The following ATG7 variants were observed in gnomAD, a reference collection of about 807,000 sequenced individuals.
ATG7 encodes ubiquitin-like modifier-activating enzyme ATG7.
Under a neutral mutation model 82.4 loss-of-function variants are expected in ATG7, and 70 were observed. That is an observed-to-expected ratio of 0.85 (90% CI 0.70 to 1.04). ATG7 has a LOEUF of 1.04. Among genes scored for constraint, ATG7 ranks in the 50% least tolerant of loss-of-function variants. ATG7 has a pLI of 0.00. For synonymous variants in ATG7, 287 were observed against 313.0 expected, an observed-to-expected ratio of 0.92 and a Z score of 0.88; for missense variants, 792 against 864.3, an observed-to-expected ratio of 0.92 and a Z score of 1.05.
chr3:11,309,713 A>C (rs1948354616), intron 7 of ATG7, among the ~76,000 whole-genome samples: 1 of 152,178 alleles, frequency 6.6e-6, no homozygotes, highest in South Asian at 2.1e-4. Flanking sequence ...CCAGTTATAC[A>C]CAGGCACGTG....
At chr3:11,402,820 A>G (rs2079964764) in intron 19 of ATG7, among the ~76,000 whole-genome samples, 1 of 152,190 alleles carries the variant, frequency 6.6e-6, no homozygotes, top group Non-Finnish European at 1.5e-5. Context: ...TCTCATAGCC[A>G]CCACACCCAG....
intron 20 of ATG7, among the ~76,000 whole-genome samples, chr3:11,494,626 C>T (rs1559746461): frequency 1.3e-5 from 2 of 152,136 alleles, no homozygotes; most frequent in African/African-American, 4.8e-5. Context: ...CCTTTTTCAT[C>T]ACTTTAAGCT....
chr3:11,424,823 T>C (rs1038409352), intron 19 of ATG7, among the ~76,000 whole-genome samples: 9 of 152,192 alleles, frequency 5.9e-5, no homozygotes, highest in Non-Finnish European at 1.2e-4. Context: ...CATTTCTTCT[T>C]CTTCCTGTCT....
intron 20 of ATG7, among the ~76,000 whole-genome samples, chr3:11,545,342 A>T (rs1240673903): frequency 1.3e-5 from 2 of 152,208 alleles, no homozygotes; most frequent in African/African-American, 4.8e-5. Context: ...CCAGAGGCTT[A>T]TGGACACCCC....
At chr3:11,434,388 C>T (rs1455629631) in intron 20 of ATG7, among the ~76,000 whole-genome samples, 1 of 152,140 alleles carries the variant, frequency 6.6e-6, no homozygotes, top group East Asian at 1.9e-4. Flanking sequence ...AATCCAGTTC[C>T]CTTTTCCCAG....
intron 20 of ATG7, among the ~76,000 whole-genome samples, chr3:11,540,707 T>G (rs936210449): frequency 1.9e-4 from 29 of 152,168 alleles, no homozygotes; most frequent in Non-Finnish European, 3.7e-4. Context: ...TGCATATATT[T>G]TCTCAATGTC....
At chr3:11,461,898 C>T (rs1426780142) in intron 20 of ATG7, among the ~76,000 whole-genome samples, 4 of 151,764 alleles carry the variant, frequency 2.6e-5, no homozygotes, top group Non-Finnish European at 4.4e-5. Flanking sequence ...GGCGTGGTGG[C>T]GGGCGCCTGT....
At chr3:11,308,667 T>G in intron 6 of ATG7, 1 of 398,114 alleles carries the variant, frequency 2.5e-6, no homozygotes, top group South Asian at 2.6e-5. Flanking sequence ...TGGTATATAG[T>G]AGACAATAAG....
intron 20 of ATG7, among the ~76,000 whole-genome samples, chr3:11,482,247 G>T (rs1001897030): frequency 6.6e-6 from 1 of 152,230 alleles, no homozygotes; most frequent in African/African-American, 2.4e-5. Context: ...CACAGCAGCT[G>T]TGGAAACACA....
Position 11,298,783 on chromosome 3 carries a change from T to C in ATG7, c.88T>C (p.Leu30=). The change falls in exon 4 of 21, where the codon TTG becomes CTG. Residue 30 remains leucine, a synonymous_variant. Coordinates refer to ENST00000693202, the MANE Select transcript of ATG7 (RefSeq NM_001349232.2). ...CTTGGATGTTGGGTTTTGGCATGAG[T>C]TGACCCAGAAGAAGCTGAACGAGTA... is the stretch of plus-strand genomic sequence containing the variant. The part of the protein sequence containing the change: ...SALDVGFWHE[L]TQKKLNEYRL... The C allele has an allele frequency of 4.3e-6, 7 of 1,614,162 alleles. No individual in the cohort carries two copies. Among genetic ancestry groups the C allele is most frequent in the Non-Finnish European group, 5.9e-6 (7 of 1,180,020 alleles).
At chr3:11,280,673 G>A (rs1942887817) in intron 1 of ATG7, among the ~76,000 whole-genome samples, 1 of 151,946 alleles carries the variant, frequency 6.6e-6, no homozygotes, top group Admixed American at 6.5e-5. Context: ...TTCTTCTTTT[G>A]TCATGAAATT....
rs1010517841 is a variant in ATG7 at position 11,347,972 on chromosome 3, A to T, written c.1221A>T (p.Leu407=). 1 of 1,614,108 alleles carries T rather than the reference A, an allele frequency of 6.2e-7. No individual in the cohort carries two copies. Among genetic ancestry groups the T allele is most frequent in the Non-Finnish European group, 8.5e-7 (1 of 1,179,988 alleles). The change falls in exon 14 of 21, where the codon CTA becomes CTT. Residue 407 remains leucine, a synonymous_variant. Transcript: ENST00000693202. The stretch of plus-strand genomic sequence containing the variant: ...CTCTCTATGAGTTTGAAGATTGCCT[A>T]GGGGGTGGTAAGCCCAAGGCTCTGG... ...RQPLYEFEDC[L]GGGKPKALAA...
intron 20 of ATG7, among the ~76,000 whole-genome samples, chr3:11,444,598 A>C (rs538849150): frequency 5.3e-5 from 8 of 152,342 alleles, no homozygotes; most frequent in African/African-American, 1.9e-4. Context: ...TGTAAAACCC[A>C]AAACTATTAA....
intron 20 of ATG7, among the ~76,000 whole-genome samples, chr3:11,522,923 C>T (rs1248471888): frequency 1.3e-5 from 2 of 152,162 alleles, no homozygotes; most frequent in African/African-American, 4.8e-5. Flanking sequence ...CCGCCACCTA[C>T]CAGCCGCATG....
intron 5 of ATG7, 124 bp downstream of exon 5, chr3:11,299,540 G>A: frequency 1.1e-6 from 1 of 943,348 alleles, no homozygotes. Flanking sequence ...GGCAGAGTCA[G>A]CCCCCCTCAT....
chr3:11,367,014 T>TG (rs58790022), intron 18 of ATG7, among the ~76,000 whole-genome samples: 1 of 150,756 alleles, frequency 6.6e-6, no homozygotes, highest in Non-Finnish European at 1.5e-5. Context: ...TGTGTGTGTG[T>TG]TTACTTGCTT....
intron 7 of ATG7, among the ~76,000 whole-genome samples, chr3:11,312,251 A>G (rs1291988703): frequency 6.6e-6 from 1 of 152,234 alleles, no homozygotes; most frequent in Admixed American, 6.5e-5. Flanking sequence ...AGAAATATTA[A>G]TTAGCTACAT....
At position 11,475,909 on chromosome 3, in the gene ATG7, C is replaced by CACACACACACACACACACACACACA. The variant is rs1479988312; in HGVS notation, c.2079+48983_2079+48984insACACACACACACACACACACACACA. The stretch of plus-strand genomic sequence containing the variant: ...CACACACACACACACACACACACAC[C>CACACACACACACACACACACACACA]CCCTCCCAGAGTCCGAGCATTCTAG... On this transcript the variant is annotated intron_variant, in intron 20 of 20. Coordinates refer to ENST00000693202, the MANE Select transcript of ATG7 (RefSeq NM_001349232.2). 8.2e-4 allele frequency among the ~76,000 whole-genome samples: 86 copies of CACACACACACACACACACACACACA among 104,768 alleles called. 2 individuals carry two copies. Among genetic ancestry groups the CACACACACACACACACACACACACA allele is most frequent in the East Asian group, 2.0e-3 (6 of 3,034 alleles). 68.7% of individuals were successfully genotyped at this position (104,768 alleles called of 152,430 possible).
intron 18 of ATG7, among the ~76,000 whole-genome samples, chr3:11,368,021 C>T (rs937637445): frequency 6.6e-6 from 1 of 151,738 alleles, no homozygotes; most frequent in Non-Finnish European, 1.5e-5. Context: ...CATGCCTCTT[C>T]GGATTATTAT....
Sources: gnomAD v4.1 joint callset for allele counts (sites outside exome capture counted in the v4.1 genomes callset) on GRCh38, gnomAD v4.1.1 for gene constraint, MANE v1.5 for transcripts, NCBI Gene and HGNC (gene_info 2026-07-23, HGNC 2026-07-21) for gene names.